Variants in CYP2C8 observed in about 807,000 individuals in gnomAD.
CYP2C8 encodes the protein cytochrome P450 family 2 subfamily C member 8, also known as cytochrome P450 2C8.
Under a neutral mutation model 41.3 loss-of-function variants are expected in CYP2C8, and 51 were observed. The observed-to-expected ratio is 1.24, with a 90% confidence interval of 0.99 to 1.56. The LOEUF (loss-of-function observed/expected upper bound fraction) is 1.56. Ranked by LOEUF, CYP2C8 falls within the 40% of genes most tolerant of loss-of-function variation. The probability of loss-of-function intolerance (pLI) is 0.00; values close to 1 mark genes in which losing one functional copy is unlikely to be tolerated. For synonymous variants in CYP2C8, 218 were observed against 205.8 expected (o/e 1.06, Z -0.51); for missense variants, 651 against 579.9 (o/e 1.12, Z -1.26).
chr10:95,068,849 A>G (rs2033622728), intron 1 of CYP2C8, among the ~76,000 whole-genome samples: 1 of 152,202 alleles, frequency 6.6e-6, no homozygotes, highest in Admixed American at 6.5e-5. Flanking sequence ...TCATGAGGTC[A>G]GGAGACTGAG....
chr10:95,067,150 C>T (rs77036916), intron 3 of CYP2C8, 58 bp downstream of exon 3: 75 of 1,612,124 alleles, frequency 4.7e-5, no homozygotes, highest in Admixed American at 4.2e-4. Context: ...TTTCCAAGGA[C>T]GTCACTAGTG....
intron 6 of CYP2C8, 144 bp from the exon 7 acceptor site, chr10:95,043,221 T>C (rs371209134): frequency 9.9e-6 from 7 of 707,564 alleles, no homozygotes; most frequent in Admixed American, 2.4e-5. Flanking sequence ...ACCAGCCATA[T>C]AAAAAGAATT....
At chr10:95,050,046 A>G (rs2134418944) in intron 5 of CYP2C8, among the ~76,000 whole-genome samples, 1 of 152,122 alleles carries the variant, frequency 6.6e-6, no homozygotes, top group South Asian at 2.1e-4. Context: ...TCTTGCAACT[A>G]GGTACTAGCT....
rs1304020929 is a variant in CYP2C8, at chr10:95,046,728, G to A, written c.820-777C>T. ...ATGAGCATTTGATCATAGTAATGAA[G>A]ACTTCTATACTAAATATGGTAAAAA... is the stretch of plus-strand genomic sequence containing the variant. On this transcript the variant is annotated intron_variant, in intron 5 of 8. Transcript: ENST00000371270. 7.7e-5 allele frequency among the ~76,000 whole-genome samples: 10 copies of A among 129,178 alleles called. No homozygotes were observed. In the East Asian group the frequency reaches 1.8e-3, roughly 24 times the overall value. 84.7% of individuals were successfully genotyped at this position (129,178 alleles called of 152,430 possible). A position where few individuals can be genotyped will look rare whatever the true frequency, so the allele number is the denominator to read the frequency against.
intron 6 of CYP2C8, among the ~76,000 whole-genome samples, chr10:95,043,328 G>A (rs946189703): frequency 2.6e-5 from 4 of 152,024 alleles, no homozygotes; most frequent in African/African-American, 9.7e-5. Context: ...ACAAATTTAA[G>A]TAATACATTA....
At chr10:95,066,153 A>AGAGAGAGAGAGAGAGTGTGT (rs1342809282) in intron 3 of CYP2C8, among the ~76,000 whole-genome samples, 1 of 88,286 alleles carries the variant, frequency 1.1e-5, no homozygotes, top group Non-Finnish European at 2.3e-5. Flanking sequence ...AGAGAGAGAG[A>AGAGAGAGAGAGAGAGTGTGT]GTGTGTGTGT....
chr10:95,043,085 G>A lies in CYP2C8; in HGVS notation c.962-8C>T. 6.2e-7 allele frequency: 1 copy of A among 1,613,930 alleles called. No homozygotes were observed. The highest frequency in any genetic ancestry group is 8.5e-7 in the Non-Finnish European group (1 of 1,179,862). ...TCTCTTCCTGGACTTTAGCTGACAAGACACAAGAAAGAACTGATGGAAACG... is the reference window on the plus strand; with the variant it reads ...TCTCTTCCTGGACTTTAGCTGACAAAACACAAGAAAGAACTGATGGAAACG... On this transcript the variant is annotated splice_polypyrimidine_tract_variant and splice_region_variant and intron_variant, in intron 6 of 8. Coordinates refer to ENST00000371270, the MANE Select transcript of CYP2C8 (RefSeq NM_000770.3).
At position 95,065,077 on chromosome 10, in the gene CYP2C8, T is replaced by C. The variant is rs2033531818; in HGVS notation, c.482-117A>G. On this transcript the variant is annotated intron_variant, in intron 3 of 8. Transcript: ENST00000371270. The stretch of plus-strand genomic sequence containing the variant: ...TAAACAATATCTTACAAATTCCCCA[T>C]GTGTCCAAAAAAAATCAGCATGGAT... 5.2e-6 allele frequency: 5 copies of C among 966,750 alleles called. No homozygotes were observed. In the East Asian group the frequency reaches 1.0e-4, roughly 20 times the overall value. 59.9% of individuals were successfully genotyped at this position (966,750 alleles called of 1,614,324 possible).
At chr10:95,040,643 A>C (rs2032975741) in intron 7 of CYP2C8, among the ~76,000 whole-genome samples, 1 of 152,222 alleles carries the variant, frequency 6.6e-6, no homozygotes, top group African/African-American at 2.4e-5. Flanking sequence ...CAGAGAGGTA[A>C]GCTCATACCT....
At chr10:95,061,582 A>G (rs186098056) in intron 4 of CYP2C8, among the ~76,000 whole-genome samples, 17 of 152,210 alleles carry the variant, frequency 1.1e-4, no homozygotes, top group African/African-American at 3.6e-4. Context: ...TTGATCTTCA[A>G]AAAACTAGCT....
intron 4 of CYP2C8, among the ~76,000 whole-genome samples, chr10:95,062,728 C>A (rs2033465548): frequency 6.6e-6 from 1 of 152,192 alleles, no homozygotes; most frequent in Non-Finnish European, 1.5e-5. Context: ...GCAGTTTCTT[C>A]CGAGCCTTGA....
intron 3 of CYP2C8, among the ~76,000 whole-genome samples, chr10:95,066,215 G>GT (rs541771653): frequency 0.048 from 6,086 of 126,770 alleles, 141 homozygotes; most frequent in Middle Eastern, 0.11. Flanking sequence ...TGATATCCAG[G>GT]TTTTTTTTTT....
At chr10:95,063,577 G>A (rs1365829742) in intron 4 of CYP2C8, among the ~76,000 whole-genome samples, 1 of 152,076 alleles carries the variant, frequency 6.6e-6, no homozygotes, top group Non-Finnish European at 1.5e-5. Flanking sequence ...CTTTGCGATG[G>A]GTTTGAGCTT....
chr10:95,039,139 G>A (rs920116830), intron 7 of CYP2C8, 101 bp from the exon 8 acceptor site: 11 of 1,094,830 alleles, frequency 1.0e-5, no homozygotes, highest in Non-Finnish European at 1.4e-5. Context: ...TATAGATGAG[G>A]AAACTCAGGT....
intron 1 of CYP2C8, chr10:95,068,691 A>G (rs1392118196): frequency 1.0e-6 from 1 of 975,918 alleles, no homozygotes; most frequent in African/African-American, 1.7e-5. Flanking sequence ...TGATTATATA[A>G]TACAATGACC....
At chr10:95,059,419 T>A (rs1426035297) in intron 4 of CYP2C8, among the ~76,000 whole-genome samples, 5 of 116,148 alleles carry the variant, frequency 4.3e-5, no homozygotes, top group African/African-American at 1.5e-4. Flanking sequence ...TTTTCATGTG[T>A]TTTTTGGCTG....
intron 5 of CYP2C8, among the ~76,000 whole-genome samples, chr10:95,051,945 T>A (rs2033220641): frequency 6.6e-6 from 1 of 151,826 alleles, no homozygotes; most frequent in African/African-American, 2.4e-5. Flanking sequence ...CCAAAATTAG[T>A]AGGAGAAAAG....
chr10:95,067,110 C>G (rs376042164), intron 3 of CYP2C8, 98 bp downstream of exon 3: 2 of 1,530,678 alleles, frequency 1.3e-6, no homozygotes, highest in Admixed American at 3.3e-5. Context: ...AACCAGGATG[C>G]GCAATGAAGA....
chr10:95,053,156 A>G (rs975333923), intron 5 of CYP2C8, among the ~76,000 whole-genome samples: 1 of 152,190 alleles, frequency 6.6e-6, no homozygotes, highest in Non-Finnish European at 1.5e-5. Context: ...CGAACAATTT[A>G]AAAAATAATT....
Sources: allele counts gnomAD v4.1 joint callset (sites outside exome capture counted in the v4.1 genomes callset), GRCh38; gene constraint gnomAD v4.1.1; transcripts MANE v1.5; gene names NCBI Gene and HGNC (gene_info 2026-07-23, HGNC 2026-07-21).